The following GTF2A1 variants were observed in gnomAD, a reference collection of about 807,000 sequenced individuals.
GTF2A1 encodes the protein general transcription factor IIA subunit 1.
In GTF2A1, 12 loss-of-function variants were observed where a neutral mutation model predicts 54.1. The ratio of observed to expected loss-of-function variants is 0.22; its 90% CI spans 0.14 to 0.36. The LOEUF is 0.36. Among genes scored for constraint, GTF2A1 ranks in the 10% least tolerant of loss-of-function variants. The pLI is 1.00. For missense variants in GTF2A1, 335 were observed against 442.2 expected (o/e 0.76, Z 2.17); for synonymous variants, 145 against 152.0 (o/e 0.95, Z 0.34).
chr14:81,208,178 T>A (rs1417039741), intron 2 of GTF2A1, among the ~76,000 whole-genome samples: 1 of 151,918 alleles, frequency 6.6e-6, no homozygotes, highest in Non-Finnish European at 1.5e-5. Flanking sequence ...GAAAAAGTGG[T>A]TTCAGGGGCC....
intron 8 of GTF2A1, among the ~76,000 whole-genome samples, chr14:81,181,785 C>A (rs564794215): frequency 5.9e-5 from 9 of 152,124 alleles, no homozygotes; most frequent in African/African-American, 2.2e-4. Flanking sequence ...TCAGGTGATC[C>A]CCCACCTCGG....
chr14:81,195,428 T>C (rs965650367), intron 6 of GTF2A1, among the ~76,000 whole-genome samples: 1 of 150,438 alleles, frequency 6.6e-6, no homozygotes, highest in Non-Finnish European at 1.5e-5. Flanking sequence ...GGTAAGGAGA[T>C]AGAAACCATC....
At chr14:81,203,275 T>TTTAA in intron 3 of GTF2A1, among the ~76,000 whole-genome samples, 1 of 152,248 alleles carries the variant, frequency 6.6e-6, no homozygotes, top group Non-Finnish European at 1.5e-5. Context: ...ACACAGTCTA[T>TTTAA]GAATATTTGC....
chr14:81,210,154 A>C (rs1893331061), intron 2 of GTF2A1, among the ~76,000 whole-genome samples: 1 of 152,204 alleles, frequency 6.6e-6, no homozygotes, highest in African/African-American at 2.4e-5. Context: ...CAGCTTTGGG[A>C]GAGGCGGGTA....
intron 7 of GTF2A1, among the ~76,000 whole-genome samples, chr14:81,187,206 T>G (rs1270422711): frequency 6.6e-6 from 1 of 151,824 alleles, no homozygotes; most frequent in Admixed American, 6.6e-5. Flanking sequence ...TACAAAAAAA[T>G]TAGCCGGGCA....
intron 8 of GTF2A1, among the ~76,000 whole-genome samples, chr14:81,182,475 A>G (rs1892659967): frequency 6.6e-6 from 1 of 152,150 alleles, no homozygotes; most frequent in South Asian, 2.1e-4. Flanking sequence ...TTTCTACCAC[A>G]AATCTCAGAG....
At position 81,197,473 on chromosome 14, in the gene GTF2A1, A is replaced by C. The variant is rs150451631; in HGVS notation, c.414T>G (p.Ala138=). Residue 138 remains alanine, a synonymous_variant, in exon 5 of 9, where the codon GCT becomes GCG. Coordinates refer to ENST00000553612, the MANE Select transcript of GTF2A1 (RefSeq NM_015859.4). The stretch of plus-strand genomic sequence containing the variant: ...CAGGGAGTGCTAAGGTAGCAGCTGT[A>C]GCAGCAGCACTCTGAAAAAAACAAA... ...HMNASNMSAA[A]TAATLALPAG... 1 of 1,576,296 alleles carries C rather than the reference A, an allele frequency of 6.3e-7. No homozygotes were observed. The highest frequency in any genetic ancestry group is 8.7e-7 in the Non-Finnish European group (1 of 1,152,630).
intron 8 of GTF2A1, among the ~76,000 whole-genome samples, chr14:81,181,989 A>T (rs779616048): frequency 2.0e-5 from 3 of 152,176 alleles, no homozygotes; most frequent in Non-Finnish European, 2.9e-5. Flanking sequence ...ATTTCAAATT[A>T]AGTTATTCCT....
chr14:81,186,666 G>T (rs1298005988), intron 7 of GTF2A1, among the ~76,000 whole-genome samples: 1 of 152,186 alleles, frequency 6.6e-6, no homozygotes, highest in Non-Finnish European at 1.5e-5. Context: ...ACTATATTAT[G>T]GACAGGCACA....
chr14:81,186,051 C>T (rs1892737697), intron 7 of GTF2A1, among the ~76,000 whole-genome samples: 1 of 150,494 alleles, frequency 6.6e-6, no homozygotes, highest in South Asian at 2.1e-4. Context: ...CGGTGTTTCA[C>T]AATGTTGGCC....
intron 7 of GTF2A1, among the ~76,000 whole-genome samples, chr14:81,185,874 C>CT (rs1417274749): frequency 3.9e-5 from 6 of 152,064 alleles, no homozygotes; most frequent in Admixed American, 3.9e-4. Context: ...TTTCTTCTTT[C>CT]TTTTTTTGAG....
intron 6 of GTF2A1, among the ~76,000 whole-genome samples, chr14:81,193,145 G>C (rs1892912965): frequency 6.6e-6 from 1 of 151,414 alleles, no homozygotes; most frequent in South Asian, 2.1e-4. Context: ...ACTGGACTGA[G>C]AATCTGAAAA....
intron 2 of GTF2A1, among the ~76,000 whole-genome samples, chr14:81,207,385 TAAG>T (rs1351051550): frequency 6.6e-5 from 10 of 152,228 alleles, no homozygotes; most frequent in African/African-American, 1.7e-4. Flanking sequence ...TGCCAACACG[TAAG>T]AAGAGCCTTT....
At chr14:81,198,392 C>T (rs1472095590) in intron 4 of GTF2A1, among the ~76,000 whole-genome samples, 12 of 152,130 alleles carry the variant, frequency 7.9e-5, no homozygotes, top group Admixed American at 2.0e-4. Flanking sequence ...TGCAGTGAGC[C>T]GAGATTGTGC....
rs117633944 is a variant in GTF2A1 at position 81,181,318 on chromosome 14, C to T, written c.1024-988G>A. 6.5e-3 allele frequency among the ~76,000 whole-genome samples: 986 copies of T among 151,356 alleles called. 6 individuals are homozygous for T. The highest frequency in any genetic ancestry group is 0.01 in the Non-Finnish European group (696 of 67,914). On this transcript the variant is annotated intron_variant, in intron 8 of 8. Coordinates refer to ENST00000553612, the MANE Select transcript of GTF2A1 (RefSeq NM_015859.4). Reference sequence around the variant, plus strand: ...CTGCAAAGAAGGCCCCCTGGTTCTCCCTATTCTATGATCTAAAGGTACCTA... The same window carrying T: ...CTGCAAAGAAGGCCCCCTGGTTCTCTCTATTCTATGATCTAAAGGTACCTA...
At position 81,179,463 on chromosome 14, in the gene GTF2A1, A is replaced by AAT. The variant is rs1892594770; in HGVS notation, c.*759_*760insAT. The AAT allele has an allele frequency of 1.3e-5, 2 of 152,236 alleles. No homozygotes were observed. The highest frequency in any genetic ancestry group is 4.1e-4 in the South Asian group (2 of 4,834). 9.4% of individuals were successfully genotyped at this position (152,236 alleles called of 1,614,324 possible). A position where few individuals can be genotyped will look rare whatever the true frequency, so the allele number is the denominator to read the frequency against. ...TTTAAGGTGTGGCACTAAAAGAAAC[A>AAT]AATTAAGTTTTTCTGTAAGGAAATT... is the stretch of plus-strand genomic sequence containing the variant. On this transcript the variant is annotated 3_prime_UTR_variant, in exon 9 of 9. Coordinates refer to ENST00000553612, the MANE Select transcript of GTF2A1 (RefSeq NM_015859.4).
At chr14:81,218,576 C>G (rs1893537914) in intron 1 of GTF2A1, among the ~76,000 whole-genome samples, 1 of 152,086 alleles carries the variant, frequency 6.6e-6, no homozygotes, top group Admixed American at 6.5e-5. Flanking sequence ...GGCAAAGTTT[C>G]TTTCACGAAA....
At chr14:81,220,342 G>A (rs1893599429) in intron 1 of GTF2A1, 147 bp downstream of exon 1, 1 of 260,502 alleles carries the variant, frequency 3.8e-6, no homozygotes, top group Non-Finnish European at 6.5e-6. Flanking sequence ...GGCCCGATCC[G>A]CCCGAGGCGG....
At chr14:81,217,258 GT>G (rs1893506837) in intron 1 of GTF2A1, among the ~76,000 whole-genome samples, 1 of 152,176 alleles carries the variant, frequency 6.6e-6, no homozygotes, top group Admixed American at 6.5e-5. Context: ...GGTAAAATGA[GT>G]AAAATGAGAA....
Sources: allele counts gnomAD v4.1 joint callset (sites outside exome capture counted in the v4.1 genomes callset), GRCh38; gene constraint gnomAD v4.1.1; transcripts MANE v1.5; gene names NCBI Gene and HGNC (gene_info 2026-07-23, HGNC 2026-07-21).